The following SETD4 variants were observed in gnomAD, a reference collection of about 807,000 sequenced individuals.
SETD4 encodes SET domain containing 4.
A neutral mutation model predicts 58.3 loss-of-function variants in SETD4; 46 were observed. The ratio of observed to expected loss-of-function variants is 0.79; its 90% CI spans 0.62 to 1.01. The LOEUF (loss-of-function observed/expected upper bound fraction) is 1.01, where lower values mean the gene tolerates loss of function less well. Among genes scored for constraint, SETD4 ranks in the 50% least tolerant of loss-of-function variants. The pLI, the probability that SETD4 is intolerant of heterozygous loss-of-function variation, is 0.00. For missense variants in SETD4, 490 were observed against 523.3 expected, an observed-to-expected ratio of 0.94 and a Z score of 0.62; for synonymous variants, 190 against 202.6, an observed-to-expected ratio of 0.94 and a Z score of 0.53.
At chr21:36,042,963 A>G (rs2064134604) in intron 7 of SETD4, 1 of 152,142 alleles carries the variant, frequency 6.6e-6, no homozygotes, top group Non-Finnish European at 1.5e-5. Flanking sequence ...AATATTAAAA[A>G]TAGTAATAAT....
At chr21:36,051,084 G>A (rs1326158533) in intron 4 of SETD4, 2 of 1,425,816 alleles carry the variant, frequency 1.4e-6, no homozygotes, top group Admixed American at 3.3e-5. Flanking sequence ...CTTTCATAAG[G>A]CTTGTAATCT....
Position 36,055,946 on chromosome 21 carries a change from ACT to A in SETD4, c.169+1161_169+1162del, listed in dbSNP as rs2064963663. 2.6e-5 allele frequency among the ~76,000 whole-genome samples: 4 copies of A among 152,030 alleles called. No individual in the cohort carries two copies. In the South Asian group the frequency reaches 8.3e-4, roughly 32 times the overall value. ...GGCAAGTTTACTGCTGACACTACTG[ACT>A]CTCTTGATCATCTGGGGAAAAACTC... is the stretch of plus-strand genomic sequence containing the variant. On this transcript the variant is annotated intron_variant, in intron 3 of 11. Coordinates refer to ENST00000332131, the MANE Select transcript of SETD4 (RefSeq NM_017438.5).
intron 9 of SETD4, 36 bp from the exon 10 acceptor site, chr21:36,038,309 G>A (rs775345933): frequency 6.3e-7 from 1 of 1,599,044 alleles, no homozygotes; most frequent in Non-Finnish European, 8.5e-7. Flanking sequence ...AATTTTAGCA[G>A]GCTCTCAAAA....
At chr21:36,057,276 TG>T in intron 2 of SETD4, 72 bp from the exon 3 acceptor site, 1 of 1,118,626 alleles carries the variant, frequency 8.9e-7, no homozygotes, top group Non-Finnish European at 1.4e-6. Flanking sequence ...TAAAAGAACA[TG>T]TCTGATGAAA....
chr21:36,054,624 G>A (rs1170946748), intron 3 of SETD4, among the ~76,000 whole-genome samples: 1 of 151,470 alleles, frequency 6.6e-6, no homozygotes, highest in Non-Finnish European at 1.5e-5. Context: ...TCCTCCATCG[G>A]TTTCCTGGCA....
chr21:36,051,499 T>C (rs1568930339), intron 4 of SETD4: 24 of 1,319,552 alleles, frequency 1.8e-5, no homozygotes, highest in Non-Finnish European at 2.3e-5. Flanking sequence ...AGAAAATTAG[T>C]AGGATTAGTT....
chr21:36,050,210 G>T, intron 4 of SETD4: 1 of 1,196,886 alleles, frequency 8.4e-7, no homozygotes, highest in South Asian at 1.2e-5. Context: ...AGCACAAGCT[G>T]ATCAAGATCT....
intron 6 of SETD4, among the ~76,000 whole-genome samples, chr21:36,044,429 G>A (rs558115743): frequency 8.5e-5 from 13 of 152,172 alleles, no homozygotes; most frequent in African/African-American, 9.7e-5. Context: ...GCTGTAGTTC[G>A]TGCTGTGGTC....
rs1442823377 is a variant in SETD4, at chr21:36,036,145, A to G, written c.1295T>C (p.Leu432Pro). Residue 432 changes from leucine (L) to proline (P), a missense_variant, in exon 11 of 12, where the codon CTG becomes CCG. Transcript: ENST00000332131. ...GGTAAAAGCTGTTTGCAAACTGTGCAGGGTCTCGGCAGATGCCCTGAGAAT... is the reference window on the plus strand; with the variant it reads ...GGTAAAAGCTGTTTGCAAACTGTGCGGGGTCTCGGCAGATGCCCTGAGAAT... Reference protein sequence around the residue: ...LKILRASAETLHSLQTAFT With the variant: ...LKILRASAETPHSLQTAFT The G allele has an allele frequency of 1.2e-6, 2 of 1,614,054 alleles. No individual in the cohort carries two copies. Among genetic ancestry groups the G allele is most frequent in the Non-Finnish European group, 1.7e-6 (2 of 1,180,032 alleles).
At chr21:36,058,114 G>A (rs866823798) in intron 2 of SETD4, among the ~76,000 whole-genome samples, 6 of 152,204 alleles carry the variant, frequency 3.9e-5, no homozygotes, top group Middle Eastern at 3.2e-3. Context: ...CCCCAGAGAA[G>A]ACAGTTGAAA....
chr21:36,042,736 C>A (rs1295300305), intron 7 of SETD4: 1 of 152,160 alleles, frequency 6.6e-6, no homozygotes, highest in Non-Finnish European at 1.5e-5. Flanking sequence ...AAAAATCAGT[C>A]TTCTATGTAC....
At chr21:36,049,084 G>GT (rs1274140656) in intron 4 of SETD4, among the ~76,000 whole-genome samples, 1 of 152,192 alleles carries the variant, frequency 6.6e-6, no homozygotes, top group African/African-American at 2.4e-5. Context: ...GCCCAACACA[G>GT]TAAGCGTCGA....
intron 4 of SETD4, chr21:36,051,104 T>A: frequency 7.1e-7 from 1 of 1,414,200 alleles, no homozygotes; most frequent in Admixed American, 1.7e-5. Flanking sequence ...TAGATGTAGC[T>A]GGTATCAGAG....
intron 4 of SETD4, chr21:36,053,119 AG>A (rs1233006211): frequency 5.9e-6 from 1 of 168,182 alleles, no homozygotes; most frequent in East Asian, 1.7e-4. Context: ...GCAGCTGGCT[AG>A]GGCTGTGTAC....
chr21:36,040,728 A>G, intron 8 of SETD4, 73 bp from the exon 9 acceptor site: 1 of 1,319,252 alleles, frequency 7.6e-7, no homozygotes, highest in African/African-American at 1.4e-5. Flanking sequence ...ATGACTGAAG[A>G]GCCAAACACC....
chr21:36,041,859 C>A lies in SETD4; in HGVS notation c.931G>T (p.Asp311Tyr). ...EILVKYLPST[D>Y]KQMDKKISIL... is the part of the protein sequence containing the mutation. ...GAAATCTTTTTGTCCATCTGTTTAT[C>A]TGTTGATGGAAGATATTTAACAAGT... The change falls in exon 8 of 12, where the codon GAT becomes TAT. Residue 311 changes from aspartate (D) to tyrosine (Y), a missense_variant. Transcript: ENST00000332131. The A allele has an allele frequency of 6.8e-7, 1 of 1,476,602 alleles. No homozygotes were observed. Among genetic ancestry groups the A allele is most frequent in the East Asian group, 2.4e-5 (1 of 41,444 alleles). The allele number at this position is 1,476,602 out of a possible 1,614,324, so 91.5% of individuals were successfully genotyped here. A position where few individuals can be genotyped will look rare whatever the true frequency, so the allele number is the denominator to read the frequency against.
intron 8 of SETD4, among the ~76,000 whole-genome samples, chr21:36,041,236 G>C (rs1212342015): frequency 6.7e-6 from 1 of 150,226 alleles, no homozygotes; most frequent in African/African-American, 2.5e-5. Context: ...CCATGCACAG[G>C]AGTTCCCAGT....
At chr21:36,040,554 A>C in intron 9 of SETD4, 21 bp downstream of exon 9, 1 of 1,607,502 alleles carries the variant, frequency 6.2e-7, no homozygotes, top group Non-Finnish European at 8.5e-7. Context: ...ACAGCTTAAG[A>C]CCAACACATG....
intron 9 of SETD4, among the ~76,000 whole-genome samples, chr21:36,038,973 A>C (rs532072612): frequency 1.3e-4 from 20 of 152,244 alleles, no homozygotes; most frequent in African/African-American, 4.8e-4. Context: ...GATTCTGAAC[A>C]CCGAGAATCT....
Sources: gnomAD v4.1 joint callset for allele counts (sites outside exome capture counted in the v4.1 genomes callset) on GRCh38, gnomAD v4.1.1 for gene constraint, MANE v1.5 for transcripts, NCBI Gene and HGNC (gene_info 2026-07-23, HGNC 2026-07-21) for gene names.